ADAMTS9: variants seen among roughly 807,000 people sequenced by gnomAD.
ADAMTS9 encodes the protein A disintegrin and metalloproteinase with thrombospondin motifs 9.
A neutral mutation model predicts 257.1 loss-of-function variants in ADAMTS9; 107 were observed. The observed-to-expected ratio is 0.42, with a 90% CI of 0.36 to 0.49. The LOEUF (loss-of-function observed/expected upper bound fraction) is 0.49. Among genes scored for constraint, ADAMTS9 ranks in the 20% least tolerant of loss-of-function variants. ADAMTS9 has a pLI of 0.03. For missense variants in ADAMTS9, 2,353 were observed against 2,469.1 expected, an observed-to-expected ratio of 0.95 and a Z score of 1.00; for synonymous variants, 982 against 880.9, an observed-to-expected ratio of 1.11 and a Z score of -2.03.
At chr3:64,551,115 G>A in intron 30 of ADAMTS9, 53 bp from the exon 31 acceptor site, 1 of 1,574,352 alleles carries the variant, frequency 6.4e-7, no homozygotes, top group Admixed American at 1.7e-5. Flanking sequence ...TATATCCTAT[G>A]ACTGTAATTA....
chr3:64,585,875 C>T (rs1576081205), intron 28 of ADAMTS9, among the ~76,000 whole-genome samples: 1 of 152,068 alleles, frequency 6.6e-6, no homozygotes, highest in Non-Finnish European at 1.5e-5. Context: ...TCCTGATTTT[C>T]TTTGCTTATC....
chr3:64,669,952 A>G (rs1353796576), intron 3 of ADAMTS9, among the ~76,000 whole-genome samples: 1 of 152,232 alleles, frequency 6.6e-6, no homozygotes, highest in Non-Finnish European at 1.5e-5. Context: ...CTGGCTTGAA[A>G]GAAAAAAAAG....
chr3:64,650,085 C>T, intron 9 of ADAMTS9: 1 of 250,244 alleles, frequency 4.0e-6, no homozygotes, highest in Non-Finnish European at 7.6e-6. Flanking sequence ...AGACTGTAAG[C>T]TTTCTAAGGG....
intron 19 of ADAMTS9, among the ~76,000 whole-genome samples, chr3:64,617,669 A>G (rs1699995325): frequency 6.6e-6 from 1 of 152,146 alleles, no homozygotes; most frequent in African/African-American, 2.4e-5. Context: ...ATTGCAGGGG[A>G]AGTTGTGGGA....
chr3:64,617,011 G>T (rs1295879852), intron 19 of ADAMTS9, among the ~76,000 whole-genome samples: 1 of 152,138 alleles, frequency 6.6e-6, no homozygotes, highest in African/African-American at 2.4e-5. Context: ...CCCCAAAGTA[G>T]GTCAGAGTTG....
chr3:64,655,762 A>T, intron 5 of ADAMTS9, 30 bp downstream of exon 5: 1 of 1,567,686 alleles, frequency 6.4e-7, no homozygotes, highest in African/African-American at 1.4e-5. Flanking sequence ...TCGGATACAG[A>T]TAGAAGAAAA....
intron 3 of ADAMTS9, among the ~76,000 whole-genome samples, chr3:64,663,721 A>C (rs1398726773): frequency 6.6e-6 from 1 of 152,158 alleles, no homozygotes; most frequent in East Asian, 1.9e-4. Flanking sequence ...GAAATAATTC[A>C]GCATACTTTA....
At chr3:64,573,212 C>T (rs896943503) in intron 28 of ADAMTS9, among the ~76,000 whole-genome samples, 3 of 152,106 alleles carry the variant, frequency 2.0e-5, no homozygotes, top group Admixed American at 2.0e-4. Flanking sequence ...AGGACTAATG[C>T]ATGGGCCAGG....
chr3:64,593,652 G>T (rs1478819432), intron 28 of ADAMTS9, among the ~76,000 whole-genome samples: 2 of 152,162 alleles, frequency 1.3e-5, no homozygotes, highest in East Asian at 1.9e-4. Flanking sequence ...TCCCAAACGG[G>T]CTTCCTATCT....
chr3:64,596,116 G>A (rs2084360106), intron 27 of ADAMTS9, among the ~76,000 whole-genome samples: 1 of 152,126 alleles, frequency 6.6e-6, no homozygotes, highest in Non-Finnish European at 1.5e-5. Context: ...CTCATATCAT[G>A]GTCATAAATA....
intron 28 of ADAMTS9, chr3:64,589,928 C>T (rs2084229502): frequency 6.6e-6 from 1 of 152,148 alleles, no homozygotes; most frequent in African/African-American, 2.4e-5. Flanking sequence ...TATCTGAACA[C>T]ACAGAATAAA....
At chr3:64,642,068 A>G in intron 11 of ADAMTS9, 75 bp from the exon 12 acceptor site, 1 of 1,515,986 alleles carries the variant, frequency 6.6e-7, no homozygotes, top group Non-Finnish European at 9.1e-7. Context: ...CCTTTTAAAC[A>G]CACCATACTG....
intron 3 of ADAMTS9, among the ~76,000 whole-genome samples, chr3:64,673,064 G>A (rs889147875): frequency 6.6e-6 from 1 of 152,130 alleles, no homozygotes; most frequent in Admixed American, 6.5e-5. Context: ...AATAGGCTAT[G>A]TACCACGTAG....
chr3:64,531,019 C>T (rs2082974275), intron 38 of ADAMTS9, among the ~76,000 whole-genome samples: 1 of 148,988 alleles, frequency 6.7e-6, no homozygotes, highest in Admixed American at 7.2e-5. Context: ...AGCTCATGCA[C>T]TCTCTCTCAG....
At chr3:64,578,817 G>A (rs2083922778) in intron 28 of ADAMTS9, among the ~76,000 whole-genome samples, 1 of 152,066 alleles carries the variant, frequency 6.6e-6, no homozygotes, top group South Asian at 2.1e-4. Flanking sequence ...TCAACTCTCA[G>A]CTAATCCTTT....
chr3:64,609,828 T>C (rs1044273849), intron 22 of ADAMTS9, among the ~76,000 whole-genome samples: 1 of 152,154 alleles, frequency 6.6e-6, no homozygotes, highest in Non-Finnish European at 1.5e-5. Context: ...GCCAAAATGA[T>C]ATTGAAAAAG....
At chr3:64,680,250 C>A (rs1182751515) in intron 3 of ADAMTS9, among the ~76,000 whole-genome samples, 6 of 152,018 alleles carry the variant, frequency 3.9e-5, no homozygotes, top group African/African-American at 1.4e-4. Context: ...TGAATTTAGG[C>A]CTTGTTTGGA....
intron 3 of ADAMTS9, among the ~76,000 whole-genome samples, chr3:64,673,463 T>C (rs1701540323): frequency 1.3e-5 from 2 of 152,182 alleles, no homozygotes; most frequent in South Asian, 4.2e-4. Context: ...AGGGGCTATA[T>C]GCAGCAAATC....
intron 22 of ADAMTS9, among the ~76,000 whole-genome samples, chr3:64,610,514 T>A (rs370666681): frequency 2.0e-3 from 268 of 135,666 alleles, no homozygotes; most frequent in East Asian, 6.4e-3. Context: ...TATTTTTTTT[T>A]AAAAAATTGG....
Sources: allele counts gnomAD v4.1 joint callset (sites outside exome capture counted in the v4.1 genomes callset), GRCh38; gene constraint gnomAD v4.1.1; transcripts MANE v1.5; gene names NCBI Gene and HGNC (gene_info 2026-07-23, HGNC 2026-07-21).